KHDRBS2: variants seen among roughly 807,000 people sequenced by gnomAD.
KHDRBS2 encodes the protein KH domain-containing, RNA-binding, signal transduction-associated protein 2.
KHDRBS2 carries 26 observed loss-of-function variants against 44.3 expected under a neutral mutation model. The ratio of observed to expected loss-of-function variants is 0.59; its 90% CI spans 0.43 to 0.81. The LOEUF is 0.81. KHDRBS2 is among the 40% of genes least tolerant of loss of function. KHDRBS2 has a pLI of 0.00. For missense variants in KHDRBS2, 476 were observed against 433.1 expected, an observed-to-expected ratio of 1.10 and a Z score of -0.88; for synonymous variants, 194 against 151.1, an observed-to-expected ratio of 1.28 and a Z score of -2.08.
At chr6:61,697,120 A>G in intron 8 of KHDRBS2, 75 bp downstream of exon 8, 1 of 976,884 alleles carries the variant, frequency 1.0e-6, no homozygotes, top group Non-Finnish European at 1.7e-6. Flanking sequence ...GGGGAGAAAG[A>G]TGGAAATAAT....
chr6:62,167,841 C>T (rs192933538), intron 2 of KHDRBS2, among the ~76,000 whole-genome samples: 4 of 152,168 alleles, frequency 2.6e-5, no homozygotes, highest in Admixed American at 2.6e-4. Flanking sequence ...GGCTTTGAGT[C>T]GTAGTTTCCA....
intron 7 of KHDRBS2, among the ~76,000 whole-genome samples, chr6:61,722,794 C>A (rs1396966770): frequency 1.3e-5 from 2 of 151,828 alleles, no homozygotes; most frequent in Non-Finnish European, 2.9e-5. Flanking sequence ...ACTCTAAGCT[C>A]CGCCTCCCGG....
intron 3 of KHDRBS2, among the ~76,000 whole-genome samples, chr6:61,983,200 T>TTTTCTTTTCTTTC: frequency 2.2e-5 from 1 of 46,038 alleles, no homozygotes; most frequent in African/African-American, 9.4e-5. Context: ...GTTTTTTTCA[T>TTTTCTTTTCTTTC]TTTCTTTCTT....
At chr6:62,215,719 A>T (rs1164708669) in intron 1 of KHDRBS2, among the ~76,000 whole-genome samples, 1 of 151,812 alleles carries the variant, frequency 6.6e-6, no homozygotes, top group Admixed American at 6.6e-5. Flanking sequence ...ATAACTCCAG[A>T]ATACCAGTGA....
At chr6:62,207,753 T>C (rs1371352313) in intron 1 of KHDRBS2, among the ~76,000 whole-genome samples, 2 of 152,130 alleles carry the variant, frequency 1.3e-5, no homozygotes, top group African/African-American at 4.8e-5. Context: ...CATACAAAGA[T>C]TAAAACGATA....
chr6:61,787,120 A>G (rs1167559531), intron 6 of KHDRBS2, among the ~76,000 whole-genome samples: 2 of 150,570 alleles, frequency 1.3e-5, no homozygotes, highest in South Asian at 4.2e-4. Flanking sequence ...ATTTTGGTGC[A>G]TAGAGTTACG....
the KHDRBS2 span, among the ~76,000 whole-genome samples, chr6:61,558,638 A>C: frequency 1.2e-4 from 19 of 152,280 alleles, no homozygotes; most frequent in Middle Eastern, 6.8e-3. Flanking sequence ...TTATTTCAAG[A>C]AATTTTTCAA....
intron 2 of KHDRBS2, among the ~76,000 whole-genome samples, chr6:62,049,930 C>T (rs930905099): frequency 5.9e-5 from 9 of 151,966 alleles, no homozygotes; most frequent in Admixed American, 5.9e-4. Context: ...CTCAGCAATC[C>T]CATTACTGGG....
At chr6:61,916,241 T>C (rs1469737241) in intron 4 of KHDRBS2, among the ~76,000 whole-genome samples, 3 of 152,036 alleles carry the variant, frequency 2.0e-5, no homozygotes, top group Admixed American at 6.6e-5. Flanking sequence ...TTTTAAGTTA[T>C]TGAATTTTAT....
intron 6 of KHDRBS2, among the ~76,000 whole-genome samples, chr6:61,757,510 T>G (rs1464508824): frequency 1.3e-5 from 2 of 152,148 alleles, no homozygotes; most frequent in Non-Finnish European, 2.9e-5. Flanking sequence ...CAGTTTGGCC[T>G]TTTAAAATTA....
chr6:61,601,785 T>G, the KHDRBS2 span, among the ~76,000 whole-genome samples: 1,385 of 152,158 alleles, frequency 9.1e-3, 10 homozygotes, highest in Non-Finnish European at 0.014. Flanking sequence ...CTTCCTCAAC[T>G]TCTGCTCTCC....
At chr6:61,804,129 G>A (rs1305483946) in intron 6 of KHDRBS2, among the ~76,000 whole-genome samples, 2 of 152,070 alleles carry the variant, frequency 1.3e-5, no homozygotes, top group Non-Finnish European at 2.9e-5. Flanking sequence ...TGCCACCTAC[G>A]AGTCTACAAA....
chr6:62,243,594 C>T (rs997940645), intron 1 of KHDRBS2, among the ~76,000 whole-genome samples: 2 of 127,306 alleles, frequency 1.6e-5, no homozygotes, highest in Non-Finnish European at 3.1e-5. Flanking sequence ...CATAATACAT[C>T]ATACCTATAC....
the KHDRBS2 span, among the ~76,000 whole-genome samples, chr6:61,604,009 T>C: frequency 6.6e-6 from 1 of 152,288 alleles, no homozygotes; most frequent in Non-Finnish European, 1.5e-5. Context: ...ACACTTATCA[T>C]TGAGGCTACC....
intron 2 of KHDRBS2, among the ~76,000 whole-genome samples, chr6:62,100,932 T>C (rs1562858951): frequency 1.3e-5 from 2 of 152,244 alleles, no homozygotes; most frequent in Middle Eastern, 6.8e-3. Context: ...TATAGATTTT[T>C]ACAAAAAATA....
Position 61,891,487 on chromosome 6 carries a change from G to C in KHDRBS2, c.810+3148C>G, listed in dbSNP as rs542076265. 2.6e-5 allele frequency among the ~76,000 whole-genome samples: 4 copies of C among 152,190 alleles called. No homozygotes were observed. The South Asian group carries it at 8.3e-4, about 32-fold the overall frequency. The stretch of plus-strand genomic sequence containing the variant: ...AGGATTCCCTCTTTTTCTACTGACT[G>C]GAATAGTTTCAGAAGGAATGGTACC... On this transcript the variant is annotated intron_variant, in intron 6 of 8. Coordinates refer to ENST00000281156, the MANE Select transcript of KHDRBS2 (RefSeq NM_152688.4).
chr6:61,773,882 A>G (rs1253477668), intron 6 of KHDRBS2, among the ~76,000 whole-genome samples: 1 of 150,712 alleles, frequency 6.6e-6, no homozygotes, highest in Admixed American at 6.6e-5. Flanking sequence ...TTTTCCCAGC[A>G]CCATTTATTA....
At chr6:61,633,424 C>T in the KHDRBS2 span, among the ~76,000 whole-genome samples, 2 of 152,052 alleles carry the variant, frequency 1.3e-5, no homozygotes, top group Admixed American at 1.3e-4. Flanking sequence ...CACATGTTCA[C>T]ACTGCCACTT....
At chr6:62,195,702 T>A (rs1334121302) in intron 1 of KHDRBS2, among the ~76,000 whole-genome samples, 1 of 151,990 alleles carries the variant, frequency 6.6e-6, no homozygotes, top group East Asian at 1.9e-4. Flanking sequence ...AATGTAAAAG[T>A]GAATGACATA....
Sources: gnomAD v4.1 joint callset for allele counts (sites outside exome capture counted in the v4.1 genomes callset) on GRCh38, gnomAD v4.1.1 for gene constraint, MANE v1.5 for transcripts, NCBI Gene and HGNC (gene_info 2026-07-23, HGNC 2026-07-21) for gene names.